HS2ST1: variants seen among roughly 807,000 people sequenced by gnomAD.
HS2ST1 encodes 2-O-sulfotransferase.
A neutral mutation model predicts 42.9 loss-of-function variants in HS2ST1; 18 were observed. The observed-to-expected ratio is 0.42, with a 90% confidence interval of 0.29 to 0.62. The LOEUF (loss-of-function observed/expected upper bound fraction) is 0.62. Ranked by LOEUF, HS2ST1 falls within the 20% of genes least tolerant of loss-of-function variation. The pLI is 0.21. For missense variants in HS2ST1, 334 were observed against 433.8 expected, an observed-to-expected ratio of 0.77 and a Z score of 2.04; for synonymous variants, 146 against 152.9, an observed-to-expected ratio of 0.95 and a Z score of 0.33.
chr1:86,927,339 T>C, intron 1 of HS2ST1, among the ~76,000 whole-genome samples: 1 of 152,174 alleles, frequency 6.6e-6, no homozygotes, highest in Non-Finnish European at 1.5e-5. Context: ...GGTAGTTAGG[T>C]TGTGCTGAAC....
chr1:87,083,537 C>T (rs1189757317), intron 2 of HS2ST1, among the ~76,000 whole-genome samples: 8 of 152,194 alleles, frequency 5.3e-5, no homozygotes, highest in Admixed American at 4.6e-4. Context: ...CAGTTTTAGA[C>T]ATATTAAAAT....
At chr1:87,036,791 A>G in intron 1 of HS2ST1, among the ~76,000 whole-genome samples, 1 of 152,180 alleles carries the variant, frequency 6.6e-6, no homozygotes, top group East Asian at 1.9e-4. Flanking sequence ...TGAATGAATG[A>G]ATGAATGCTG....
At chr1:86,991,239 C>G (rs1009187089) in intron 1 of HS2ST1, among the ~76,000 whole-genome samples, 2 of 151,970 alleles carry the variant, frequency 1.3e-5, no homozygotes. Flanking sequence ...AGACTTTAGA[C>G]GAATTTAACA....
intron 1 of HS2ST1, chr1:87,045,153 G>A (rs1241038333): frequency 1.2e-6 from 1 of 864,796 alleles, no homozygotes; most frequent in South Asian, 1.3e-5. Context: ...ACTGCCATTG[G>A]TTATGCTTTT....
chr1:87,097,947 A>G lies in HS2ST1; in HGVS notation c.686+12A>G. 2 of 1,613,798 alleles carry G rather than the reference A, an allele frequency of 1.2e-6. No homozygotes were observed. Among genetic ancestry groups the G allele is most frequent in the Non-Finnish European group, 1.7e-6 (2 of 1,179,760 alleles). On this transcript the variant is annotated intron_variant, in intron 5 of 6. Transcript: ENST00000370550. ...AGCTCCGAATGCTGGTAGGGGAGAT[A>G]AAGTTGGCTCAGATTGATTATCATC... is the stretch of plus-strand genomic sequence containing the variant.
At chr1:87,072,227 T>C (rs1451085186) in intron 1 of HS2ST1, among the ~76,000 whole-genome samples, 7 of 152,240 alleles carry the variant, frequency 4.6e-5, no homozygotes, top group Non-Finnish European at 8.8e-5. Context: ...AGAAAAAGGA[T>C]TTATGGTAGT....
intron 1 of HS2ST1, among the ~76,000 whole-genome samples, chr1:86,963,907 C>G (rs574730327): frequency 6.7e-6 from 1 of 150,374 alleles, no homozygotes; most frequent in Admixed American, 6.6e-5. Context: ...GGCTGCCCCC[C>G]ACCTCCCGGA....
chr1:86,957,570 G>C (rs1647709017), intron 1 of HS2ST1, among the ~76,000 whole-genome samples: 1 of 151,802 alleles, frequency 6.6e-6, no homozygotes, highest in Non-Finnish European at 1.5e-5. Flanking sequence ...AAAATCTAGA[G>C]GAAATAGAAC....
intron 3 of HS2ST1, among the ~76,000 whole-genome samples, chr1:87,091,151 T>C (rs1651929073): frequency 6.6e-6 from 1 of 152,048 alleles, no homozygotes; most frequent in Non-Finnish European, 1.5e-5. Flanking sequence ...GCTGTATTCC[T>C]AGTACCTAGA....
intron 1 of HS2ST1, among the ~76,000 whole-genome samples, chr1:87,016,729 T>C (rs1012969705): frequency 6.6e-6 from 1 of 152,148 alleles, no homozygotes; most frequent in East Asian, 1.9e-4. Context: ...AGTGCCTGTG[T>C]CCCATTCACC....
intron 1 of HS2ST1, among the ~76,000 whole-genome samples, chr1:87,071,729 G>GAAAA (rs537202045): frequency 9.3e-6 from 1 of 107,910 alleles, no homozygotes; most frequent in Non-Finnish European, 2.0e-5. Flanking sequence ...CTCTGTCTCC[G>GAAAA]AAAAAAAAAA....
chr1:87,034,711 A>T (rs991810219), intron 1 of HS2ST1, among the ~76,000 whole-genome samples: 1 of 152,208 alleles, frequency 6.6e-6, no homozygotes, highest in Admixed American at 6.5e-5. Context: ...ACAATAAAAA[A>T]TAGTTTTGAA....
intron 1 of HS2ST1, among the ~76,000 whole-genome samples, chr1:87,028,460 G>A (rs895172540): frequency 1.3e-5 from 2 of 152,144 alleles, no homozygotes; most frequent in Non-Finnish European, 2.9e-5. Context: ...CCAACAAATA[G>A]CACCATTTTC....
At chr1:87,021,710 C>CA (rs1383444827) in intron 1 of HS2ST1, among the ~76,000 whole-genome samples, 3 of 152,104 alleles carry the variant, frequency 2.0e-5, no homozygotes, top group Non-Finnish European at 4.4e-5. Flanking sequence ...GAGACACAGT[C>CA]TCACTTTGTT....
At chr1:86,974,267 T>G (rs560446981) in intron 1 of HS2ST1, among the ~76,000 whole-genome samples, 30 of 152,240 alleles carry the variant, frequency 2.0e-4, no homozygotes, top group Non-Finnish European at 3.7e-4. Context: ...GACTGGAGAT[T>G]GAATTAATAA....
intron 1 of HS2ST1, chr1:86,935,001 G>A (rs1381253390): frequency 1.3e-5 from 2 of 150,744 alleles, no homozygotes; most frequent in Non-Finnish European, 2.9e-5. Flanking sequence ...GAGGATGGGA[G>A]TGATGACTTC....
At position 86,915,047 on chromosome 1, in the gene HS2ST1, T is replaced by C. The variant is rs1427291570; in HGVS notation, c.11T>C (p.Leu4Pro). Residue 4 changes from leucine (L) to proline (P), a missense_variant, in exon 1 of 7, where the codon CTC becomes CCC. Leu to Pro is a moderately conservative substitution (Grantham distance 98). Coordinates refer to ENST00000370550, the MANE Select transcript of HS2ST1 (RefSeq NM_012262.4). MGL[L>P]RIMMPPKLQL... ...CGAGCAGCGGGTTTCATGGGGCTCCTCAGGATTATGATGCCGCCCAAGTTG... is the reference window on the plus strand; with the variant it reads ...CGAGCAGCGGGTTTCATGGGGCTCCCCAGGATTATGATGCCGCCCAAGTTG... 1.9e-6 allele frequency: 3 copies of C among 1,613,972 alleles called. No individual in the cohort carries two copies. The Admixed American group carries it at 5.0e-5, about 27-fold the overall frequency.
intron 1 of HS2ST1, among the ~76,000 whole-genome samples, chr1:86,990,200 C>T (rs923372663): frequency 2.0e-5 from 3 of 152,080 alleles, no homozygotes; most frequent in East Asian, 3.8e-4. Flanking sequence ...TAAAAGCATT[C>T]GGAGAACTTA....
chr1:86,973,492 G>A (rs1219320230), intron 1 of HS2ST1, among the ~76,000 whole-genome samples: 2 of 152,158 alleles, frequency 1.3e-5, no homozygotes, highest in East Asian at 3.9e-4. Flanking sequence ...AGTTGTGCAA[G>A]TTGCTTACCT....
Sources: gnomAD v4.1 joint callset for allele counts (sites outside exome capture counted in the v4.1 genomes callset) on GRCh38, gnomAD v4.1.1 for gene constraint, MANE v1.5 for transcripts, NCBI Gene and HGNC (gene_info 2026-07-23, HGNC 2026-07-21) for gene names.